The following MICAL2 variants were observed in gnomAD, a reference collection of about 807,000 sequenced individuals.
MICAL2 encodes the protein [F-actin]-monooxygenase MICAL2.
Under a neutral mutation model 127.3 loss-of-function variants are expected in MICAL2, and 77 were observed. That is an observed-to-expected ratio of 0.60 (90% CI 0.50 to 0.73). The LOEUF (loss-of-function observed/expected upper bound fraction) is 0.73. Among genes scored for constraint, MICAL2 ranks in the 30% least tolerant of loss-of-function variants. MICAL2 has a pLI of 0.00. For missense variants in MICAL2, 1,351 were observed against 1,434.4 expected, an observed-to-expected ratio of 0.94 and a Z score of 0.94; for synonymous variants, 570 against 551.1, an observed-to-expected ratio of 1.03 and a Z score of -0.48.
rs58738827 is a variant in MICAL2 at position 12,226,506 on chromosome 11, G to A, written c.1888+136G>A. 0.024 allele frequency: 18,937 copies of A among 801,622 alleles called. 1,864 individuals carry two copies. In the East Asian group the frequency reaches 0.3, roughly 13 times the overall value. The allele number at this position is 801,622 out of a possible 1,614,324, so 49.7% of individuals were successfully genotyped here. ...TTCCCCTTGACTTTGAGGCCAAACA[G>A]GGGTGACTCCACTCACCCAGCCCCT... On this transcript the variant is annotated intron_variant, in intron 14 of 27. Transcript: ENST00000683283.
downstream of MICAL2, among the ~76,000 whole-genome samples, chr11:12,361,877 G>T (rs113568724): frequency 9.2e-5 from 14 of 152,332 alleles, no homozygotes; most frequent in South Asian, 1.2e-3. Flanking sequence ...AGCCGGGGCC[G>T]CCACATGAAC....
downstream of MICAL2, among the ~76,000 whole-genome samples, chr11:12,264,582 G>T (rs2706651): frequency 7.2e-5 from 11 of 152,226 alleles, no homozygotes; most frequent in African/African-American, 2.7e-4. Flanking sequence ...GCTTCTGACA[G>T]TGGTATGAAA....
At chr11:12,205,802 A>G (rs145679799) in intron 4 of MICAL2, among the ~76,000 whole-genome samples, 1 of 152,340 alleles carries the variant, frequency 6.6e-6, no homozygotes, top group African/African-American at 2.4e-5. Context: ...AACACATTGC[A>G]TCCCATGCTG....
chr11:12,298,606 G>A lies in MICAL2; in HGVS notation c.5212+3749G>A, dbSNP rs139543142. On this transcript the variant is annotated intron_variant, in intron 29 of 34. Transcript: ENST00000646065. ...TGCTGCTGGTGTTTTTCCCAGTTAA[G>A]CATGGTAACTGGCTTCTGGGTTGAC... is the stretch of plus-strand genomic sequence containing the variant. 6.6e-3 allele frequency among the ~76,000 whole-genome samples: 1,002 copies of A among 152,194 alleles called. 14 individuals are homozygous for A. The highest frequency in any genetic ancestry group is 0.023 in the African/African-American group (967 of 41,536).
At chr11:12,138,088 G>A (rs775616602) in intron 1 of MICAL2, among the ~76,000 whole-genome samples, 8 of 152,214 alleles carry the variant, frequency 5.3e-5, no homozygotes, top group Non-Finnish European at 1.0e-4. Flanking sequence ...AGCGAATAAA[G>A]CATTGTTTTC....
intron 33 of MICAL2, among the ~76,000 whole-genome samples, chr11:12,354,056 C>T (rs1306122299): frequency 6.6e-6 from 1 of 152,228 alleles, no homozygotes; most frequent in Non-Finnish European, 1.5e-5. Flanking sequence ...TCTGGATGGC[C>T]TTCCAAAGCC....
At position 12,180,349 on chromosome 11, in the gene MICAL2, A is replaced by ATATATATATATATATATAT. The variant is rs11403732; in HGVS notation, c.264+17931_264+17932insATATATATATATATATATT. Reference sequence around the variant, plus strand: ...TTTATATACATGTATATATGTATATATTTTTTTTTTGGCAGGAAGGTTTCC... The same window carrying ATATATATATATATATATAT: ...TTTATATACATGTATATATGTATATATATATATATATATATATATTTTTTTTTTTGGCAGGAAGGTTTCC... On this transcript the variant is annotated intron_variant, in intron 3 of 27. Transcript: ENST00000683283. Among the ~76,000 whole-genome samples the ATATATATATATATATATAT allele has an allele frequency of 5.6e-3, 776 of 139,560 alleles. 4 individuals carry two copies. The highest frequency in any genetic ancestry group is 0.011 in the Admixed American group (149 of 13,248). The allele number at this position is 139,560 out of a possible 152,430, so 91.6% of individuals were successfully genotyped here. A position where few individuals can be genotyped will look rare whatever the true frequency, so the allele number is the denominator to read the frequency against.
chr11:12,235,789 T>C (rs1460111470), intron 15 of MICAL2, among the ~76,000 whole-genome samples: 2 of 152,172 alleles, frequency 1.3e-5, no homozygotes, highest in East Asian at 3.9e-4. Context: ...GACCTGGCTG[T>C]GGCCTTGGGC....
chr11:12,150,304 A>G (rs1351281010), intron 2 of MICAL2, among the ~76,000 whole-genome samples: 1 of 152,182 alleles, frequency 6.6e-6, no homozygotes, highest in East Asian at 1.9e-4. Context: ...CGTGTTTGAG[A>G]AAAATGAGGT....
chr11:12,119,338 GCATGGCTGCA>G (rs1251601341), intron 1 of MICAL2, among the ~76,000 whole-genome samples: 1 of 152,130 alleles, frequency 6.6e-6, no homozygotes, highest in Non-Finnish European at 1.5e-5. Context: ...TCTTTAATTG[GCATGGCTGCA>G]CAATACAGCT....
intron 26 of MICAL2, chr11:12,260,408 T>C: frequency 1.6e-6 from 2 of 1,246,950 alleles, no homozygotes; most frequent in Non-Finnish European, 2.0e-6. Context: ...TGAGCCATAC[T>C]TCTGGGTTTA....
At chr11:12,114,669 G>A (rs890447391) in intron 1 of MICAL2, among the ~76,000 whole-genome samples, 1 of 152,202 alleles carries the variant, frequency 6.6e-6, no homozygotes, top group African/African-American at 2.4e-5. Flanking sequence ...CAGGAAATGT[G>A]CTTTGAATTG....
intron 2 of MICAL2, among the ~76,000 whole-genome samples, chr11:12,159,811 G>A (rs1031703188): frequency 6.6e-6 from 1 of 152,200 alleles, no homozygotes; most frequent in Non-Finnish European, 1.5e-5. Flanking sequence ...ATTGCACATG[G>A]GGAAAGTGGA....
rs2134026005 is a variant in MICAL2 at position 12,191,871 on chromosome 11, A to G, written c.265-12379A>G. ...TAATGGGTGGGGCTGAGAAGGTATC[A>G]TCTCCAGGGAGTGGGATGTTTGAGC... On this transcript the variant is annotated intron_variant, in intron 3 of 27. Coordinates refer to ENST00000683283, the MANE Select transcript of MICAL2 (RefSeq NM_001282663.2). 1.3e-5 allele frequency among the ~76,000 whole-genome samples: 2 copies of G among 152,352 alleles called. 1 individual carries two copies. The highest frequency in any genetic ancestry group is 1.3e-4 in the Admixed American group (2 of 15,312).
At chr11:12,315,071 G>C (rs537271709) in intron 29 of MICAL2, among the ~76,000 whole-genome samples, 10 of 151,962 alleles carry the variant, frequency 6.6e-5, no homozygotes, top group Non-Finnish European at 1.2e-4. Flanking sequence ...GTTTGAAAAC[G>C]TTTCACTTTT....
chr11:12,346,272 T>G (rs1284429430), intron 32 of MICAL2, among the ~76,000 whole-genome samples: 1 of 152,162 alleles, frequency 6.6e-6, no homozygotes, highest in Non-Finnish European at 1.5e-5. Context: ...ATTGTATGAT[T>G]TCAATAGTGA....
intron 3 of MICAL2, chr11:12,195,842 G>C (rs1590291451): frequency 1.3e-5 from 2 of 152,000 alleles, no homozygotes; most frequent in East Asian, 3.9e-4. Context: ...TGAGAGGAGG[G>C]GGTGGTGGGA....
chr11:12,272,188 A>C (rs925914216), upstream of MICAL2, among the ~76,000 whole-genome samples: 12 of 152,160 alleles, frequency 7.9e-5, no homozygotes, highest in Non-Finnish European at 1.6e-4. Context: ...GTACCTCTGC[A>C]GACTGGCATA....
chr11:12,354,817 C>T, exon 34 of MICAL2: 1 of 1,614,032 alleles, frequency 6.2e-7, no homozygotes, highest in East Asian at 2.2e-5. Context: ...ATCATCAAAG[C>T]AGACTGGAGC....
Sources: gnomAD v4.1 joint callset for allele counts (sites outside exome capture counted in the v4.1 genomes callset) on GRCh38, gnomAD v4.1.1 for gene constraint, MANE v1.5 for transcripts, NCBI Gene and HGNC (gene_info 2026-07-23, HGNC 2026-07-21) for gene names.